PATJ: variants seen among roughly 807,000 people sequenced by gnomAD.
PATJ encodes inaD-like protein.
A neutral mutation model predicts 224.9 loss-of-function variants in PATJ; 190 were observed. The ratio of observed to expected loss-of-function variants is 0.84; its 90% CI spans 0.75 to 0.95. PATJ has a LOEUF of 0.95. Among genes scored for constraint, PATJ ranks in the 40% least tolerant of loss-of-function variants. PATJ has a pLI of 0.00. For synonymous variants in PATJ, 769 were observed against 820.3 expected, an observed-to-expected ratio of 0.94 and a Z score of 1.07; for missense variants, 2,121 against 2,270.3, an observed-to-expected ratio of 0.93 and a Z score of 1.34.
intron 22 of PATJ, among the ~76,000 whole-genome samples, chr1:61,887,072 A>G (rs1175756330): frequency 6.6e-6 from 1 of 151,896 alleles, no homozygotes; most frequent in Non-Finnish European, 1.5e-5. Flanking sequence ...TATAATGTAT[A>G]TAAGACATAC....
In PATJ at chr1:61,994,712, G is replaced by A. The variant is rs1379894590; in HGVS notation, c.3867+4348G>A. 4.6e-5 allele frequency among the ~76,000 whole-genome samples: 7 copies of A among 152,126 alleles called. No homozygotes were observed. In the East Asian group the frequency reaches 5.8e-4, roughly 13 times the overall value. On this transcript the variant is annotated intron_variant, in intron 28 of 43. Coordinates refer to ENST00000642238, the MANE Select transcript of PATJ (RefSeq NM_001350145.3). The stretch of plus-strand genomic sequence containing the variant: ...TGGGATTACAGGTGCATGCCACCAC[G>A]CCTGGCTAATTTTTTGTATTTAGTA...
At chr1:61,963,874 T>A (rs184937407) in intron 27 of PATJ, among the ~76,000 whole-genome samples, 6 of 152,308 alleles carry the variant, frequency 3.9e-5, no homozygotes, top group Admixed American at 6.5e-5. Context: ...GTTTAGTTGC[T>A]TGCTTATACT....
intron 9 of PATJ, among the ~76,000 whole-genome samples, chr1:61,794,361 C>A (rs988716192): frequency 1.3e-5 from 2 of 151,448 alleles, no homozygotes; most frequent in African/African-American, 4.9e-5. Context: ...CCCAGGCTGG[C>A]CTCAAAGTCC....
intron 41 of PATJ, among the ~76,000 whole-genome samples, chr1:62,146,196 A>G (rs1157857424): frequency 3.3e-5 from 5 of 152,052 alleles, no homozygotes; most frequent in South Asian, 4.2e-4. Flanking sequence ...TGCGTCTGGC[A>G]TGTGAGAGAA....
At chr1:61,973,878 G>T (rs17122873) in intron 27 of PATJ, among the ~76,000 whole-genome samples, 36,032 of 151,816 alleles carry the variant, frequency 0.24, 4,850 homozygotes, top group African/African-American at 0.34. Context: ...TAATCAGATC[G>T]TTTTTTATGA....
chr1:62,065,787 G>A lies in PATJ; in HGVS notation c.4126-13663G>A, dbSNP rs1165199922. On this transcript the variant is annotated intron_variant, in intron 31 of 43. Coordinates refer to ENST00000642238, the MANE Select transcript of PATJ (RefSeq NM_001350145.3). ...ATCTCACAATTGTAATTTTTAGCAC[G>A]CAGGGCTTAGAGAAGTAAAATGACA... 3.9e-5 allele frequency among the ~76,000 whole-genome samples: 6 copies of A among 152,188 alleles called. No individual in the cohort carries two copies. The South Asian group carries it at 6.2e-4, about 16-fold the overall frequency.
At chr1:62,033,883 T>A (rs1441428669) in intron 29 of PATJ, among the ~76,000 whole-genome samples, 1 of 152,100 alleles carries the variant, frequency 6.6e-6, no homozygotes, top group Non-Finnish European at 1.5e-5. Flanking sequence ...AGATACGAAG[T>A]AATAAGATCT....
At position 62,162,877 on chromosome 1, in the gene PATJ, G is replaced by T. The variant is rs573697757; in HGVS notation, c.*1823G>T. The T allele has an allele frequency of 8.1e-5, 26 of 320,926 alleles. No individual in the cohort carries two copies. The highest frequency in any genetic ancestry group is 7.5e-4 in the Admixed American group (16 of 21,398). The allele number at this position is 320,926 out of a possible 1,614,324, so 19.9% of individuals were successfully genotyped here. A position where few individuals can be genotyped will look rare whatever the true frequency, so the allele number is the denominator to read the frequency against. Reference sequence around the variant, plus strand: ...CAGGAAAATTGCTTGAACCTGGGAGGTGGAGGTTGCAGTGAGCCAAGTTCG... The same window carrying T: ...CAGGAAAATTGCTTGAACCTGGGAGTTGGAGGTTGCAGTGAGCCAAGTTCG... On this transcript the variant is annotated 3_prime_UTR_variant, in exon 44 of 44. Coordinates refer to ENST00000642238, the MANE Select transcript of PATJ (RefSeq NM_001350145.3).
chr1:62,048,487 A>G (rs950525274), intron 30 of PATJ, among the ~76,000 whole-genome samples: 1 of 143,850 alleles, frequency 7.0e-6, no homozygotes, highest in African/African-American at 2.5e-5. Flanking sequence ...CAGAAGTTGC[A>G]GTAAGCCGAG....
At chr1:61,795,597 G>GA (rs772405218) in intron 10 of PATJ, 39 bp downstream of exon 10, 2 of 1,214,316 alleles carry the variant, frequency 1.6e-6, no homozygotes, top group Non-Finnish European at 1.2e-6. Flanking sequence ...GATTCTAGTT[G>GA]AAAAAAAGGT....
intron 27 of PATJ, among the ~76,000 whole-genome samples, chr1:61,978,196 TCTTCCTTC>T (rs142507580): frequency 1.5e-5 from 2 of 137,876 alleles, no homozygotes; most frequent in African/African-American, 2.8e-5. Context: ...CATCTTCATA[TCTTCCTTC>T]CTTCCTTCCT....
intron 10 of PATJ, 116 bp downstream of exon 10, chr1:61,795,674 A>G: frequency 1.8e-6 from 1 of 562,482 alleles, no homozygotes; most frequent in Non-Finnish European, 3.0e-6. Context: ...TTTTTTAAAA[A>G]ATTAAGTTTG....
At chr1:62,101,216 C>T (rs1343951146) in intron 33 of PATJ, among the ~76,000 whole-genome samples, 2 of 151,038 alleles carry the variant, frequency 1.3e-5, no homozygotes. Flanking sequence ...AATAAATACT[C>T]TCTTAGGAAT....
At position 62,000,260 on chromosome 1, in the gene PATJ, C is replaced by T. The variant is rs1232732167; in HGVS notation, c.3867+9896C>T. On this transcript the variant is annotated intron_variant, in intron 28 of 43. Coordinates refer to ENST00000642238, the MANE Select transcript of PATJ (RefSeq NM_001350145.3). ...ATGTGCACAATGTGCAGGTTAGTTA[C>T]ATATGTATACATGTGCCATGCTGGT... 3.3e-5 allele frequency among the ~76,000 whole-genome samples: 5 copies of T among 149,526 alleles called. No homozygotes were observed. In the East Asian group the frequency reaches 1.0e-3, roughly 30 times the overall value.
At chr1:61,846,479 A>G (rs1661976202) in intron 17 of PATJ, among the ~76,000 whole-genome samples, 1 of 152,252 alleles carries the variant, frequency 6.6e-6, no homozygotes, top group African/African-American at 2.4e-5. Flanking sequence ...TTTCTTATTT[A>G]TAAATTCATA....
At chr1:61,788,476 C>T (rs2148490121) in intron 8 of PATJ, among the ~76,000 whole-genome samples, 1 of 152,206 alleles carries the variant, frequency 6.6e-6, no homozygotes, top group Non-Finnish European at 1.5e-5. Flanking sequence ...CCTTATTATA[C>T]ATTTAATAGA....
At chr1:62,023,626 C>G (rs1005888432) in intron 29 of PATJ, among the ~76,000 whole-genome samples, 4 of 152,140 alleles carry the variant, frequency 2.6e-5, no homozygotes, top group Non-Finnish European at 5.9e-5. Context: ...GAGAAAGATG[C>G]TTAGGCTAAG....
chr1:61,943,200 A>G (rs928007001), intron 27 of PATJ, among the ~76,000 whole-genome samples: 4 of 152,220 alleles, frequency 2.6e-5, no homozygotes, highest in African/African-American at 4.8e-5. Context: ...AACAACGCAG[A>G]AGTTGGGTGA....
chr1:62,078,253 C>T (rs971409870), intron 31 of PATJ, among the ~76,000 whole-genome samples: 1 of 152,036 alleles, frequency 6.6e-6, no homozygotes. Flanking sequence ...GCAAGGAGTC[C>T]TTTTGGTTTT....
Sources: allele counts gnomAD v4.1 joint callset (sites outside exome capture counted in the v4.1 genomes callset), GRCh38; gene constraint gnomAD v4.1.1; transcripts MANE v1.5; gene names NCBI Gene and HGNC (gene_info 2026-07-23, HGNC 2026-07-21).